The following RORA variants were observed in gnomAD, a reference collection of about 807,000 sequenced individuals.
RORA encodes nuclear receptor ROR-alpha.
A neutral mutation model predicts 69.5 loss-of-function variants in RORA; 7 were observed. The observed-to-expected ratio is 0.10, with a 90% CI of 0.06 to 0.19. The LOEUF is 0.19. Among genes scored for constraint, RORA ranks in the 10% least tolerant of loss-of-function variants. The probability of loss-of-function intolerance (pLI) is 1.00; values close to 1 mark genes in which losing one functional copy is unlikely to be tolerated. For missense variants in RORA, 457 were observed against 663.0 expected, an observed-to-expected ratio of 0.69 and a Z score of 3.41; for synonymous variants, 261 against 240.8, an observed-to-expected ratio of 1.08 and a Z score of -0.78.
Position 60,490,746 on chromosome 15 carries a change from C to CTATT in RORA, c.*6705_*6708dup, listed in dbSNP as rs938067772. The CTATT allele has an allele frequency of 9.9e-5, 15 of 152,058 alleles. No homozygotes were observed. The highest frequency in any genetic ancestry group is 2.1e-4 in the Non-Finnish European group (14 of 67,980). 9.4% of individuals were successfully genotyped at this position (152,058 alleles called of 1,614,324 possible). ...TTCAGTTATGGCTAGATTATTTAAC[C>CTATT]TATTTTTTTTGTACTTTGGAAACAA... On this transcript the variant is annotated 3_prime_UTR_variant, in exon 11 of 11. Coordinates refer to ENST00000335670, the MANE Select transcript of RORA (RefSeq NM_134261.3). This position sits in a 1 kb window ranked among gnomAD's most constrained non-coding sequence, Gnocchi z 4.1.
chr15:60,599,376 C>A (rs375135209), intron 2 of RORA, among the ~76,000 whole-genome samples: 27 of 152,172 alleles, frequency 1.8e-4, no homozygotes, highest in African/African-American at 6.0e-4. Flanking sequence ...CATGGCGAAA[C>A]CCCATCTCTA....
At chr15:60,939,975 A>G (rs568346951) in intron 1 of RORA, among the ~76,000 whole-genome samples, 2 of 152,350 alleles carry the variant, frequency 1.3e-5, no homozygotes, top group East Asian at 3.9e-4. Context: ...TCCTGGTGGT[A>G]AATTACATTA....
intron 1 of RORA, among the ~76,000 whole-genome samples, chr15:60,949,880 A>T (rs1352715598): frequency 6.6e-6 from 1 of 152,228 alleles, no homozygotes; most frequent in Non-Finnish European, 1.5e-5. Flanking sequence ...ATCTAAGACT[A>T]TTGAAACTTT....
At chr15:60,673,946 G>A (rs952255787) in intron 2 of RORA, among the ~76,000 whole-genome samples, 1 of 152,208 alleles carries the variant, frequency 6.6e-6, no homozygotes, top group African/African-American at 2.4e-5. Context: ...GGTAAGCTAA[G>A]CAATGAATCT....
At chr15:61,064,981 C>G (rs1276580558) in intron 1 of RORA, among the ~76,000 whole-genome samples, 1 of 152,148 alleles carries the variant, frequency 6.6e-6, no homozygotes, top group African/African-American at 2.4e-5. Context: ...ACTAAGTGTT[C>G]CCAGTACATC....
intron 1 of RORA, among the ~76,000 whole-genome samples, chr15:60,755,706 C>T (rs1595688764): frequency 6.6e-6 from 1 of 152,204 alleles, no homozygotes; most frequent in South Asian, 2.1e-4. Flanking sequence ...CACATAGAAG[C>T]TGTTCAAGAA....
intron 1 of RORA, among the ~76,000 whole-genome samples, chr15:60,739,651 G>C (rs2071547924): frequency 6.6e-6 from 1 of 152,096 alleles, no homozygotes. Flanking sequence ...CAGTCTGGGG[G>C]AAGGTGAACT....
In RORA at chr15:60,947,688, TAAAAA is replaced by T. The variant is rs35887206; in HGVS notation, c.167-269007_167-269003del. Among the ~76,000 whole-genome samples, 182 of 102,926 alleles carry T rather than the reference TAAAAA, an allele frequency of 1.8e-3. 2 individuals are homozygous for T. The highest frequency in any genetic ancestry group is 3.7e-3 in the Admixed American group (32 of 8,764). 67.5% of individuals were successfully genotyped at this position (102,926 alleles called of 152,430 possible). On this transcript the variant is annotated intron_variant, in intron 1 of 10. Transcript: ENST00000335670. ...TCGAGAAACACCCAAGAATGATCAATAAAAAAAAAAAAAAAAAAAAAAATGAAACA... is the reference window on the plus strand; with the variant it reads ...TCGAGAAACACCCAAGAATGATCAATAAAAAAAAAAAAAAAAAATGAAACA...
chr15:61,123,779 G>A (rs112863162), intron 1 of RORA, among the ~76,000 whole-genome samples: 3 of 112,238 alleles, frequency 2.7e-5, no homozygotes, highest in South Asian at 2.7e-4. Flanking sequence ...TTTCCCAGCC[G>A]GCCTCTGACC....
intron 2 of RORA, among the ~76,000 whole-genome samples, chr15:60,672,488 G>A (rs1445366025): frequency 6.6e-6 from 1 of 152,144 alleles, no homozygotes; most frequent in Admixed American, 6.5e-5. Flanking sequence ...ATAAATAAAT[G>A]AACACTTAGA....
intron 1 of RORA, among the ~76,000 whole-genome samples, chr15:60,762,623 T>C (rs2071911954): frequency 6.6e-6 from 1 of 152,146 alleles, no homozygotes; most frequent in Non-Finnish European, 1.5e-5. Flanking sequence ...TACACATATT[T>C]ACTCCTACTA....
At chr15:60,859,624 G>A (rs901188135) in intron 1 of RORA, among the ~76,000 whole-genome samples, 2 of 149,024 alleles carry the variant, frequency 1.3e-5, no homozygotes, top group African/African-American at 2.5e-5. Flanking sequence ...CACGACACCC[G>A]GGTTTTTTTT....
intron 1 of RORA, among the ~76,000 whole-genome samples, chr15:60,735,522 G>A (rs758920029): frequency 4.6e-5 from 7 of 151,678 alleles, no homozygotes; most frequent in East Asian, 3.9e-4. Flanking sequence ...AACCAGATGC[G>A]CTGCTGAGAG....
intron 1 of RORA, among the ~76,000 whole-genome samples, chr15:60,698,885 T>C (rs1330705427): frequency 6.6e-6 from 1 of 152,106 alleles, no homozygotes; most frequent in Non-Finnish European, 1.5e-5. Context: ...AAAATTTTGT[T>C]TTTGTTGTCT....
At chr15:60,604,529 C>G (rs1351188781) in intron 2 of RORA, among the ~76,000 whole-genome samples, 2 of 152,080 alleles carry the variant, frequency 1.3e-5, no homozygotes, top group East Asian at 3.9e-4. Context: ...CATTTATTAT[C>G]TTTTCTGCCT....
chr15:60,586,737 G>T (rs934882881), intron 2 of RORA, among the ~76,000 whole-genome samples: 1 of 152,054 alleles, frequency 6.6e-6, no homozygotes, highest in Admixed American at 6.6e-5. Flanking sequence ...TTGTGGGCAG[G>T]GTCCAAATCC....
In RORA at chr15:61,120,858, T is replaced by A. The variant is rs112493747; in HGVS notation, c.166+108195A>T. Among the ~76,000 whole-genome samples, 504 of 152,084 alleles carry A rather than the reference T, an allele frequency of 3.3e-3. 3 individuals are homozygous for A. The highest frequency in any genetic ancestry group is 0.011 in the African/African-American group (454 of 41,478). On this transcript the variant is annotated intron_variant, in intron 1 of 10. Transcript: ENST00000335670. ...AAGCCTTATTTCTTTTTTTATTATT[T>A]TTTTTTTGAGATCGAGTCTCGCTTT...
intron 1 of RORA, among the ~76,000 whole-genome samples, chr15:60,880,603 C>T (rs1225821464): frequency 1.3e-5 from 2 of 152,126 alleles, no homozygotes; most frequent in Non-Finnish European, 2.9e-5. Flanking sequence ...CATGCCACTG[C>T]ACTCCAGCCT....
intron 1 of RORA, among the ~76,000 whole-genome samples, chr15:60,878,221 G>A (rs2073640192): frequency 6.8e-6 from 1 of 146,304 alleles, no homozygotes; most frequent in Non-Finnish European, 1.5e-5. Flanking sequence ...GCGGGTGCCT[G>A]TAGTCCCAGC....
Sources: gnomAD v4.1 joint callset for allele counts (sites outside exome capture counted in the v4.1 genomes callset) on GRCh38, gnomAD v4.1.1 for gene constraint, Gnocchi (gnomAD v3.1) non-coding constraint, MANE v1.5 for transcripts, NCBI Gene and HGNC (gene_info 2026-07-23, HGNC 2026-07-21) for gene names.